The following NPNT variants were observed in gnomAD, a reference collection of about 807,000 sequenced individuals.
The protein encoded by NPNT is preosteoblast EGF-like repeat protein with MAM domain.
NPNT carries 45 observed loss-of-function variants against 68.6 expected under a neutral mutation model. The ratio of observed to expected loss-of-function variants is 0.66; its 90% CI spans 0.52 to 0.84. The LOEUF is 0.84. Ranked by LOEUF, NPNT falls within the 40% of genes least tolerant of loss-of-function variation. The probability of loss-of-function intolerance (pLI) is 0.00; values close to 1 mark genes in which losing one functional copy is unlikely to be tolerated. For missense variants in NPNT, 672 were observed against 714.8 expected (o/e 0.94, Z 0.68); for synonymous variants, 233 against 253.3 (o/e 0.92, Z 0.76).
At position 105,958,557 on chromosome 4, in the gene NPNT, G is replaced by A; in HGVS notation, c.1246G>A (p.Gly416Ser). The A allele has an allele frequency of 6.4e-7, 1 of 1,553,536 alleles. No homozygotes were observed. Among genetic ancestry groups the A allele is most frequent in the South Asian group, 1.1e-5 (1 of 88,974 alleles). The stretch of plus-strand genomic sequence containing the variant: ...AGACGATGAAGCAAAGGATGATCCA[G>A]GTGACACTTACACTCTTAGTGCCAT... ...SADDEAKDDP[G>S]VLVHSCNFDH... Residue 416 changes from glycine (G) to serine (S), a missense_variant and splice_region_variant, in exon 9 of 12, where the codon GGT (glycine) becomes AGT (serine). Coordinates refer to ENST00000379987, the MANE Select transcript of NPNT (RefSeq NM_001033047.3).
intron 2 of NPNT, among the ~76,000 whole-genome samples, chr4:105,915,896 A>T (rs1267360375): frequency 6.6e-6 from 1 of 152,162 alleles, no homozygotes; most frequent in Non-Finnish European, 1.5e-5. Flanking sequence ...TATTGCCACA[A>T]CTATCTCCAC....
At chr4:105,906,864 C>T (rs1172844730) in intron 2 of NPNT, among the ~76,000 whole-genome samples, 1 of 152,110 alleles carries the variant, frequency 6.6e-6, no homozygotes, top group Non-Finnish European at 1.5e-5. Context: ...CACCATTTTG[C>T]TATATACATA....
chr4:105,943,252 T>C (rs886108468), intron 8 of NPNT, among the ~76,000 whole-genome samples: 3 of 152,244 alleles, frequency 2.0e-5, no homozygotes, highest in Non-Finnish European at 2.9e-5. Flanking sequence ...CTCGTCAGTC[T>C]TTGGGTAGGG....
chr4:105,905,557 A>C (rs540682184), intron 2 of NPNT, among the ~76,000 whole-genome samples: 103 of 152,252 alleles, frequency 6.8e-4, no homozygotes, highest in African/African-American at 2.2e-3. Context: ...TACGTTTTGG[A>C]AAGCAGTCCT....
Position 105,897,886 on chromosome 4 carries a change from C to G in NPNT, c.72-15C>G. 1 of 1,543,814 alleles carries G rather than the reference C, an allele frequency of 6.5e-7. No homozygotes were observed. Among genetic ancestry groups the G allele is most frequent in the Non-Finnish European group, 8.9e-7 (1 of 1,119,988 alleles). ...AAAAGTGTCCTTATTTATTTTGAATCTTTTTTTTTGGTAGGTGGCCCAGGC... is the reference window on the plus strand; with the variant it reads ...AAAAGTGTCCTTATTTATTTTGAATGTTTTTTTTTGGTAGGTGGCCCAGGC... On this transcript the variant is annotated splice_polypyrimidine_tract_variant and intron_variant, in intron 1 of 11. Transcript: ENST00000379987.
chr4:105,948,613 A>G (rs553002685), intron 8 of NPNT, among the ~76,000 whole-genome samples: 3 of 152,244 alleles, frequency 2.0e-5, no homozygotes, highest in Non-Finnish European at 2.9e-5. Flanking sequence ...TAAGGTTGCA[A>G]CTTTTTATGT....
At chr4:105,962,685 C>T (rs970870453) in intron 10 of NPNT, among the ~76,000 whole-genome samples, 2 of 151,714 alleles carry the variant, frequency 1.3e-5, no homozygotes, top group Admixed American at 6.6e-5. Context: ...GATGGGAAGA[C>T]CAAAAGATGG....
At chr4:105,952,389 G>T (rs1730903353) in intron 8 of NPNT, among the ~76,000 whole-genome samples, 2 of 152,286 alleles carry the variant, frequency 1.3e-5, no homozygotes, top group South Asian at 4.1e-4. Flanking sequence ...TTAGACAGTT[G>T]TGATTTTAAA....
intron 3 of NPNT, among the ~76,000 whole-genome samples, chr4:105,929,206 GT>G (rs1322044367): frequency 6.6e-6 from 1 of 151,824 alleles, no homozygotes; most frequent in East Asian, 1.9e-4. Flanking sequence ...GCAGTGTTTA[GT>G]TTTCTGTTCC....
chr4:105,906,909 A>G (rs966272072), intron 2 of NPNT, among the ~76,000 whole-genome samples: 1 of 152,174 alleles, frequency 6.6e-6, no homozygotes, highest in Non-Finnish European at 1.5e-5. Flanking sequence ...TGGAATAAGG[A>G]GGAAAGGCAT....
intron 10 of NPNT, among the ~76,000 whole-genome samples, chr4:105,965,377 A>C (rs1732039712): frequency 6.6e-6 from 1 of 150,972 alleles, no homozygotes; most frequent in Non-Finnish European, 1.5e-5. Flanking sequence ...AAAAAAAAAA[A>C]CGGCAAAAGC....
chr4:105,954,789 C>T (rs781589862), intron 8 of NPNT, among the ~76,000 whole-genome samples: 2 of 152,148 alleles, frequency 1.3e-5, no homozygotes, highest in Non-Finnish European at 2.9e-5. Flanking sequence ...ATTTTTATGA[C>T]GTGTATCCTC....
chr4:105,971,441 T>C lies in NPNT; in HGVS notation c.*2451T>C. ...CTGTAGATCCATTTTTAATGGTTCA[T>C]TTCCTTTATGGTCATATAACTGCAC... is the stretch of plus-strand genomic sequence containing the variant. On this transcript the variant is annotated 3_prime_UTR_variant, in exon 12 of 12. Coordinates refer to ENST00000379987, the MANE Select transcript of NPNT (RefSeq NM_001033047.3). The C allele has an allele frequency of 4.6e-6, 1 of 217,968 alleles. No individual in the cohort carries two copies. The highest frequency in any genetic ancestry group is 6.8e-5 in the South Asian group (1 of 14,688). 13.5% of individuals were successfully genotyped at this position (217,968 alleles called of 1,614,324 possible).
intron 2 of NPNT, among the ~76,000 whole-genome samples, chr4:105,901,293 C>T (rs1726398995): frequency 6.6e-6 from 1 of 152,150 alleles, no homozygotes; most frequent in Non-Finnish European, 1.5e-5. Context: ...GAATAGGTGT[C>T]TAACATTTCT....
At position 105,961,250 on chromosome 4, in the gene NPNT, G is replaced by A. The variant is rs574685717; in HGVS notation, c.1345+2124G>A. Among the ~76,000 whole-genome samples, 24 of 152,288 alleles carry A rather than the reference G, an allele frequency of 1.6e-4. No individual in the cohort carries two copies. The South Asian group carries it at 4.6e-3, about 29-fold the overall frequency. ...GTGTTTTTGACTGTACCACAGGCTG[G>A]CCTCAGTAGGTGTGCATGTGGTAGT... On this transcript the variant is annotated intron_variant, in intron 10 of 11. Transcript: ENST00000379987.
intron 10 of NPNT, among the ~76,000 whole-genome samples, chr4:105,964,298 C>G (rs1455432522): frequency 6.6e-6 from 1 of 152,178 alleles, no homozygotes; most frequent in Non-Finnish European, 1.5e-5. Flanking sequence ...CAGCCCTCCA[C>G]AGAGGAACAT....
In NPNT at chr4:105,967,321, C is replaced by T; in HGVS notation, c.1479C>T (p.His493=). 6.2e-7 allele frequency: 1 copy of T among 1,613,514 alleles called. No homozygotes were observed. Among genetic ancestry groups the T allele is most frequent in the Non-Finnish European group, 8.5e-7 (1 of 1,179,746 alleles). ...LSFRHKVTGL[H]SGTLQVFVRK... is the part of the protein sequence containing the mutation. ...TCAGGCACAAGGTGACGGGGCTGCA[C>T]TCTGGCACACTCCAGGTGTTTGTGA... Residue 493 remains histidine, a synonymous_variant, in exon 11 of 12, where the codon CAC becomes CAT. Transcript: ENST00000379987.
intron 8 of NPNT, among the ~76,000 whole-genome samples, chr4:105,947,794 A>G: frequency 6.6e-6 from 1 of 152,166 alleles, no homozygotes; most frequent in East Asian, 1.9e-4. Flanking sequence ...GTCACAAATG[A>G]TCGAGTCAAA....
intron 10 of NPNT, among the ~76,000 whole-genome samples, chr4:105,966,561 C>CG (rs1440004663): frequency 6.6e-6 from 1 of 151,982 alleles, no homozygotes; most frequent in Non-Finnish European, 1.5e-5. Flanking sequence ...TCCAGGAAGA[C>CG]GGGGAGGGTT....
Sources: allele counts gnomAD v4.1 joint callset (sites outside exome capture counted in the v4.1 genomes callset), GRCh38; gene constraint gnomAD v4.1.1; transcripts MANE v1.5; gene names NCBI Gene and HGNC (gene_info 2026-07-23, HGNC 2026-07-21).